TRPC4: variants seen among roughly 807,000 people sequenced by gnomAD.
TRPC4 encodes the protein short transient receptor potential channel 4.
TRPC4 carries 49 observed loss-of-function variants against 99.4 expected under a neutral mutation model. The observed-to-expected ratio is 0.49, with a 90% CI of 0.39 to 0.63. TRPC4 has a LOEUF of 0.63. Ranked by LOEUF, TRPC4 falls within the 20% of genes least tolerant of loss-of-function variation. TRPC4 has a pLI of 0.00. For synonymous variants in TRPC4, 454 were observed against 425.9 expected (o/e 1.07, Z -0.81); for missense variants, 898 against 1,152.9 (o/e 0.78, Z 3.20).
chr13:37,726,428 A>C (rs1473378690), intron 3 of TRPC4, among the ~76,000 whole-genome samples: 3 of 152,178 alleles, frequency 2.0e-5, no homozygotes, highest in Non-Finnish European at 4.4e-5. Flanking sequence ...TAAATTAGAA[A>C]GTTATAACAT....
chr13:37,822,284 T>A (rs941858105), intron 1 of TRPC4, among the ~76,000 whole-genome samples: 1 of 151,832 alleles, frequency 6.6e-6, no homozygotes, highest in African/African-American at 2.4e-5. Flanking sequence ...GTTTTTTTTT[T>A]ATTATTATAC....
rs61394712 is a variant in TRPC4, at chr13:37,753,575, A to AAGAGAGAGAG, written c.379-7130_379-7121dup. Among the ~76,000 whole-genome samples the AAGAGAGAGAG allele has an allele frequency of 8.8e-3, 1,204 of 137,124 alleles. 3 individuals carry two copies. Among genetic ancestry groups the AAGAGAGAGAG allele is most frequent in the Middle Eastern group, 0.02 (5 of 252 alleles). 90.0% of individuals were successfully genotyped at this position (137,124 alleles called of 152,430 possible). A position where few individuals can be genotyped will look rare whatever the true frequency, so the allele number is the denominator to read the frequency against. ...AGAGAAAGAAAGAGAGAGAGAGAGA[A>AAGAGAGAGAG]AGAGAGAGAGAGAGAGAGAGAGAGA... On this transcript the variant is annotated intron_variant, in intron 2 of 10. Transcript: ENST00000379705.
At chr13:37,791,057 A>T (rs1957105519) in intron 1 of TRPC4, among the ~76,000 whole-genome samples, 1 of 152,112 alleles carries the variant, frequency 6.6e-6, no homozygotes, top group Non-Finnish European at 1.5e-5. Context: ...TTTTTTACTT[A>T]TAGACCATGT....
chr13:37,684,751 C>T (rs1250718816), intron 4 of TRPC4, among the ~76,000 whole-genome samples: 2 of 151,168 alleles, frequency 1.3e-5, no homozygotes, highest in African/African-American at 2.4e-5. Context: ...TAAATATGCA[C>T]AAAGAAATAT....
At chr13:37,666,384 G>A (rs187418712) in intron 5 of TRPC4, among the ~76,000 whole-genome samples, 13 of 152,286 alleles carry the variant, frequency 8.5e-5, no homozygotes, top group Admixed American at 7.8e-4. Flanking sequence ...TGCTATGTAA[G>A]TAAATAATTT....
At chr13:37,712,396 C>T (rs901764121) in intron 3 of TRPC4, among the ~76,000 whole-genome samples, 4 of 152,130 alleles carry the variant, frequency 2.6e-5, no homozygotes, top group Admixed American at 2.0e-4. Context: ...GTCCAGTCAC[C>T]GATTTCTGTT....
intron 2 of TRPC4, among the ~76,000 whole-genome samples, chr13:37,782,266 G>T (rs1956860855): frequency 6.6e-6 from 1 of 152,100 alleles, no homozygotes; most frequent in Admixed American, 6.6e-5. Flanking sequence ...AAGACAGAGA[G>T]AAAGAGAAAA....
At chr13:37,639,365 T>A in intron 8 of TRPC4, 66 bp from the exon 9 acceptor site, 1 of 1,473,116 alleles carries the variant, frequency 6.8e-7, no homozygotes, top group South Asian at 1.3e-5. Flanking sequence ...AAATAATTTA[T>A]TTTTTTAATC....
intron 6 of TRPC4, among the ~76,000 whole-genome samples, 187 bp from the exon 7 acceptor site, chr13:37,655,470 GT>G (rs1952198468): frequency 6.6e-6 from 1 of 151,650 alleles, no homozygotes; most frequent in Non-Finnish European, 1.5e-5. Context: ...AAATAAAACT[GT>G]TTTCCTCAAA....
At chr13:37,703,932 G>C (rs1310380834) in intron 3 of TRPC4, among the ~76,000 whole-genome samples, 2 of 151,950 alleles carry the variant, frequency 1.3e-5, no homozygotes, top group African/African-American at 4.8e-5. Context: ...TAGCTTTTTT[G>C]TAATAGCCTC....
At chr13:37,753,565 GAGAGAGAGAA>G (rs1355404383) in intron 2 of TRPC4, among the ~76,000 whole-genome samples, 1 of 52,782 alleles carries the variant, frequency 1.9e-5, no homozygotes, top group African/African-American at 4.5e-5. Flanking sequence ...AAGAAAGAGA[GAGAGAGAGAA>G]AGAGAGAGAG....
intron 3 of TRPC4, among the ~76,000 whole-genome samples, chr13:37,727,579 T>G (rs896458420): frequency 5.3e-5 from 8 of 151,608 alleles, no homozygotes; most frequent in Non-Finnish European, 7.4e-5. Flanking sequence ...ATAAACAAAA[T>G]AGAGAATAGA....
intron 1 of TRPC4, among the ~76,000 whole-genome samples, chr13:37,841,146 C>T (rs1958720776): frequency 6.6e-6 from 1 of 151,978 alleles, no homozygotes; most frequent in South Asian, 2.1e-4. Context: ...CAGAGGATCA[C>T]AATGAGCAAG....
At chr13:37,753,942 G>A (rs866242976) in intron 2 of TRPC4, among the ~76,000 whole-genome samples, 3 of 152,018 alleles carry the variant, frequency 2.0e-5, no homozygotes, top group Non-Finnish European at 4.4e-5. Context: ...CAGGGAAGCC[G>A]AGCCTGCCAC....
rs1392179800 is a variant in TRPC4 at position 37,663,454 on chromosome 13, T to C, written c.1650A>G (p.Lys550=). The change falls in exon 6 of 11, where the codon AAA becomes AAG. Residue 550 remains lysine (K), a synonymous_variant. Coordinates refer to ENST00000379705, the MANE Select transcript of TRPC4 (RefSeq NM_016179.4). ...YYEETKGLTC[K]GIRCEKQNNA... is the part of the protein sequence containing the mutation. ...TATTCTGCTTTTCACATCTTATGCC[T>C]TTGCAGGTTAACCCTTTCGTTTCTT... is the stretch of plus-strand genomic sequence containing the variant. 2 of 1,614,072 alleles carry C rather than the reference T, an allele frequency of 1.2e-6. No homozygotes were observed. Among genetic ancestry groups the C allele is most frequent in the East Asian group, 2.2e-5 (1 of 44,876 alleles).
intron 1 of TRPC4, among the ~76,000 whole-genome samples, chr13:37,819,829 T>TAAA (rs200418516): frequency 7.5e-6 from 1 of 133,750 alleles, no homozygotes; most frequent in Non-Finnish European, 1.6e-5. Flanking sequence ...AAATGAAAGT[T>TAAA]AAAAAAAAAA....
rs138216382 is a variant in TRPC4 at position 37,866,648 on chromosome 13, C to T, written c.-28+2947G>A. On this transcript the variant is annotated intron_variant, in intron 1 of 10. Transcript: ENST00000379705. ...TATATTTGTGCTGATTAAAAAGACA[C>T]AGCCATGATATTATATCCCTGATCA... is the stretch of plus-strand genomic sequence containing the variant. Among the ~76,000 whole-genome samples the T allele has an allele frequency of 1.8e-3, 278 of 151,810 alleles. 2 individuals are homozygous for T. Among genetic ancestry groups the T allele is most frequent in the African/African-American group, 6.4e-3 (264 of 41,472 alleles).
chr13:37,757,575 A>G (rs368938010), intron 2 of TRPC4, among the ~76,000 whole-genome samples: 1 of 152,020 alleles, frequency 6.6e-6, no homozygotes, highest in Non-Finnish European at 1.5e-5. Flanking sequence ...ATTTATATTT[A>G]TTAAGAAACC....
intron 1 of TRPC4, among the ~76,000 whole-genome samples, chr13:37,834,710 C>T (rs968515691): frequency 6.6e-5 from 10 of 152,156 alleles, no homozygotes; most frequent in African/African-American, 2.4e-4. Context: ...GTTTATCTCA[C>T]TCTCCATTTA....
Sources: gnomAD v4.1 joint callset for allele counts (sites outside exome capture counted in the v4.1 genomes callset) on GRCh38, gnomAD v4.1.1 for gene constraint, MANE v1.5 for transcripts, NCBI Gene and HGNC (gene_info 2026-07-23, HGNC 2026-07-21) for gene names.